The following STX3 variants were observed in gnomAD, a reference collection of about 807,000 sequenced individuals.
STX3 encodes syntaxin 3, also known as syntaxin-3.
A neutral mutation model predicts 40.2 loss-of-function variants in STX3; 19 were observed. The ratio of observed to expected loss-of-function variants is 0.47; its 90% CI spans 0.33 to 0.69. The LOEUF is 0.69. Among genes scored for constraint, STX3 ranks in the 30% least tolerant of loss-of-function variants. The pLI is 0.02. For missense variants in STX3, 364 were observed against 366.7 expected, an observed-to-expected ratio of 0.99 and a Z score of 0.06; for synonymous variants, 122 against 132.2, an observed-to-expected ratio of 0.92 and a Z score of 0.53.
At chr11:59,763,659 A>T (rs1863147046) in intron 1 of STX3, among the ~76,000 whole-genome samples, 1 of 152,256 alleles carries the variant, frequency 6.6e-6, no homozygotes, top group African/African-American at 2.4e-5. Context: ...TGGAAATGTA[A>T]GAACGCCTTT....
chr11:59,771,582 G>A (rs188380475), intron 1 of STX3, among the ~76,000 whole-genome samples: 2 of 152,158 alleles, frequency 1.3e-5, no homozygotes, highest in African/African-American at 4.8e-5. Context: ...GAGGTTGTCC[G>A]AGCTGAGTTT....
At chr11:59,795,342 C>G (rs370420316) in intron 8 of STX3, 30 bp from the exon 9 acceptor site, 15 of 1,582,450 alleles carry the variant, frequency 9.5e-6, no homozygotes, top group Middle Eastern at 1.7e-4. Context: ...GAGACGTTTA[C>G]TTGGTGTGAT....
At chr11:59,792,615 A>G (rs1865259484) in intron 6 of STX3, among the ~76,000 whole-genome samples, 2 of 152,364 alleles carry the variant, frequency 1.3e-5, no homozygotes, top group African/African-American at 2.4e-5. Context: ...AAATAAAGCC[A>G]TACCCTTTAG....
Position 59,801,397 on chromosome 11 carries a change from G to C in STX3, c.*573G>C. The C allele has an allele frequency of 1.0e-6, 1 of 987,492 alleles. No homozygotes were observed. Among genetic ancestry groups the C allele is most frequent in the Non-Finnish European group, 1.2e-6 (1 of 831,012 alleles). 61.2% of individuals were successfully genotyped at this position (987,492 alleles called of 1,614,324 possible). A position where few individuals can be genotyped will look rare whatever the true frequency, so the allele number is the denominator to read the frequency against. On this transcript the variant is annotated 3_prime_UTR_variant, in exon 11 of 11. Coordinates refer to ENST00000337979, the MANE Select transcript of STX3 (RefSeq NM_004177.5). ...TCATTTTGGTCTAAAGAGCTGACTTGTTTGAAATTCAGCCTTAAATTAAGC... is the reference window on the plus strand; with the variant it reads ...TCATTTTGGTCTAAAGAGCTGACTTCTTTGAAATTCAGCCTTAAATTAAGC...
rs1862661734 is a variant in STX3 at position 59,755,578 on chromosome 11, A to C, written c.-28A>C. The stretch of plus-strand genomic sequence containing the variant: ...GGGACGCGCTCACCTGGGACGCGCT[A>C]CCTGCCTCCGGGCGCCTGGGCTTCA... On this transcript the variant is annotated 5_prime_UTR_variant, in exon 1 of 11. Transcript: ENST00000337979. The C allele has an allele frequency of 6.3e-7, 1 of 1,592,494 alleles. No individual in the cohort carries two copies. The highest frequency in any genetic ancestry group is 1.1e-5 in the South Asian group (1 of 90,824).
At chr11:59,780,163 T>C (rs1048004809) in intron 2 of STX3, among the ~76,000 whole-genome samples, 1 of 151,956 alleles carries the variant, frequency 6.6e-6, no homozygotes, top group African/African-American at 2.4e-5. Context: ...CTAAGGAGAG[T>C]GTTATGGACT....
At chr11:59,789,510 G>T (rs1429471879) in intron 4 of STX3, among the ~76,000 whole-genome samples, 3 of 150,092 alleles carry the variant, frequency 2.0e-5, no homozygotes, top group African/African-American at 7.4e-5. Flanking sequence ...GCTCAATTTT[G>T]GCTCACTGCA....
At chr11:59,766,015 A>C (rs1308170000) in intron 1 of STX3, among the ~76,000 whole-genome samples, 2 of 152,202 alleles carry the variant, frequency 1.3e-5, no homozygotes, top group Non-Finnish European at 2.9e-5. Context: ...CAAATCTTTA[A>C]TGCCCCACTG....
chr11:59,772,567 G>T (rs1863714653), intron 1 of STX3, among the ~76,000 whole-genome samples: 1 of 152,164 alleles, frequency 6.6e-6, no homozygotes, highest in South Asian at 2.1e-4. Flanking sequence ...TTGAAAGCTT[G>T]TCCTTTGTAG....
rs574137862 is a variant in STX3 at position 59,791,013 on chromosome 11, C to G, written c.357+427C>G. ...TGGAAAGCTATTACCTAAGACCCAG[C>G]AGGAGGATGCGACCCAGCAGGAGGA... On this transcript the variant is annotated intron_variant, in intron 5 of 10. Coordinates refer to ENST00000337979, the MANE Select transcript of STX3 (RefSeq NM_004177.5). 2.6e-5 allele frequency among the ~76,000 whole-genome samples: 4 copies of G among 152,158 alleles called. No homozygotes were observed. The East Asian group carries it at 7.7e-4, about 29-fold the overall frequency.
At position 59,781,085 on chromosome 11, in the gene STX3, C is replaced by CTTTTTTTTT. The variant is rs67745750; in HGVS notation, c.115-5944_115-5936dup. ...CTCCCTTTTCATCAACATTTGTTTTCTTTTTTTTTTTTTTTTATATTAGCA... is the reference window on the plus strand; with the variant it reads ...CTCCCTTTTCATCAACATTTGTTTTCTTTTTTTTTTTTTTTTTTTTTTTTTATATTAGCA... On this transcript the variant is annotated intron_variant, in intron 2 of 10. Coordinates refer to ENST00000337979, the MANE Select transcript of STX3 (RefSeq NM_004177.5). Among the ~76,000 whole-genome samples, 13 of 116,020 alleles carry CTTTTTTTTT rather than the reference C, an allele frequency of 1.1e-4. No individual in the cohort carries two copies. The South Asian group carries it at 3.0e-3, about 26-fold the overall frequency. The allele number at this position is 116,020 out of a possible 152,430, so 76.1% of individuals were successfully genotyped here.
chr11:59,793,781 A>T (rs1247370497), intron 8 of STX3, among the ~76,000 whole-genome samples: 1 of 151,290 alleles, frequency 6.6e-6, no homozygotes, highest in Non-Finnish European at 1.5e-5. Context: ...GTGTTCTGTC[A>T]AGTACCCAGT....
intron 2 of STX3, among the ~76,000 whole-genome samples, chr11:59,775,924 GAATTA>G (rs1863941676): frequency 6.6e-6 from 1 of 152,324 alleles, no homozygotes; most frequent in South Asian, 2.1e-4. Flanking sequence ...CATGATCTTT[GAATTA>G]AATTCCATAT....
At position 59,791,588 on chromosome 11, in the gene STX3, C is replaced by T. The variant is rs1865165519; in HGVS notation, c.358-519C>T. Among the ~76,000 whole-genome samples, 4 of 152,144 alleles carry T rather than the reference C, an allele frequency of 2.6e-5. No individual in the cohort carries two copies. The South Asian group carries it at 8.3e-4, about 32-fold the overall frequency. On this transcript the variant is annotated intron_variant, in intron 5 of 10. Transcript: ENST00000337979. ...ATTGGCGATTTTCCAAAGGAGAAAC[C>T]AGTAAGTAGGGCTTGATGCTGAGAG... is the stretch of plus-strand genomic sequence containing the variant.
intron 1 of STX3, among the ~76,000 whole-genome samples, chr11:59,762,264 G>A (rs774362512): frequency 6.6e-6 from 1 of 152,230 alleles, no homozygotes; most frequent in Non-Finnish European, 1.5e-5. Flanking sequence ...CCGTTAAGAG[G>A]CAACACTCCA....
chr11:59,770,023 G>A (rs539171582), intron 1 of STX3, among the ~76,000 whole-genome samples: 11 of 151,110 alleles, frequency 7.3e-5, no homozygotes, highest in Non-Finnish European at 1.3e-4. Flanking sequence ...TGTGGAGTGT[G>A]TGTGTGTGGG....
At chr11:59,783,451 G>A (rs1380571055) in intron 2 of STX3, among the ~76,000 whole-genome samples, 1 of 152,166 alleles carries the variant, frequency 6.6e-6, no homozygotes, top group Non-Finnish European at 1.5e-5. Flanking sequence ...GATGATGATG[G>A]TAGCCTCATA....
chr11:59,795,769 T>C, intron 9 of STX3: 1 of 1,446,526 alleles, frequency 6.9e-7, no homozygotes, highest in Non-Finnish European at 9.4e-7. Context: ...GTATCTCTTC[T>C]CCCTGGCCAC....
chr11:59,787,186 A>G (rs75068197), intron 3 of STX3, 50 bp downstream of exon 3: 111,265 of 1,542,864 alleles, frequency 0.072, 5,576 homozygotes, highest in African/African-American at 0.25. Context: ...CTTTCCTTGG[A>G]GCTGAGCCAG....
Sources: allele counts gnomAD v4.1 joint callset (sites outside exome capture counted in the v4.1 genomes callset), GRCh38; gene constraint gnomAD v4.1.1; transcripts MANE v1.5; gene names NCBI Gene and HGNC (gene_info 2026-07-23, HGNC 2026-07-21).